The following HEATR3 variants were observed in gnomAD, a reference collection of about 807,000 sequenced individuals.
HEATR3 encodes HEAT repeat-containing protein 3.
HEATR3 carries 56 observed loss-of-function variants against 72.8 expected under a neutral mutation model. That is an observed-to-expected ratio of 0.77 (90% CI 0.62 to 0.96). The LOEUF is 0.96. Among genes scored for constraint, HEATR3 ranks in the 40% least tolerant of loss-of-function variants. HEATR3 has a pLI of 0.00. For missense variants in HEATR3, 747 were observed against 831.4 expected, an observed-to-expected ratio of 0.90 and a Z score of 1.25; for synonymous variants, 331 against 318.1, an observed-to-expected ratio of 1.04 and a Z score of -0.43.
intron 12 of HEATR3, among the ~76,000 whole-genome samples, chr16:50,098,909 G>A (rs1018729905): frequency 6.6e-6 from 1 of 151,874 alleles, no homozygotes; most frequent in Non-Finnish European, 1.5e-5. Flanking sequence ...AAATAACAAT[G>A]CTCTTGTTAT....
chr16:50,078,629 GC>G (rs1157999851), intron 6 of HEATR3, 111 bp from the exon 7 acceptor site: 9 of 1,013,320 alleles, frequency 8.9e-6, no homozygotes, highest in Non-Finnish European at 1.3e-5. Flanking sequence ...AGGCAGTAGG[GC>G]TGAGATTTTT....
chr16:50,077,854 C>T (rs1389929433), intron 6 of HEATR3, among the ~76,000 whole-genome samples: 2 of 146,892 alleles, frequency 1.4e-5, no homozygotes, highest in Admixed American at 1.4e-4. Context: ...ATTGTGAATA[C>T]GGCTGCTGTG....
intron 7 of HEATR3, among the ~76,000 whole-genome samples, chr16:50,081,159 G>T (rs958858117): frequency 2.0e-5 from 3 of 152,324 alleles, no homozygotes; most frequent in South Asian, 2.1e-4. Context: ...AAGTCTTCTG[G>T]CCAGGTGTGG....
Position 50,084,217 on chromosome 16 carries a change from G to A in HEATR3, c.1216G>A (p.Gly406Arg). ...GGAGAATTCCTTCAGTGAGTGCGGG[G>A]GACAGCTGTTTTCTCCCCTCTGCCT... ...FMENSFSECG[G>R]QLFSPLCLSH... is the part of the protein sequence containing the mutation. The change falls in exon 9 of 15, where the codon GGA becomes AGA. Residue 406 changes from glycine (G) to arginine (R), a missense_variant. Transcript: ENST00000299192. The A allele has an allele frequency of 3.1e-6, 5 of 1,614,084 alleles. No homozygotes were observed. The highest frequency in any genetic ancestry group is 2.2e-5 in the East Asian group (1 of 44,880).
intron 12 of HEATR3, among the ~76,000 whole-genome samples, chr16:50,098,065 A>G (rs2037283526): frequency 6.6e-6 from 1 of 152,158 alleles, no homozygotes; most frequent in African/African-American, 2.4e-5. Flanking sequence ...TAGCTAGGAA[A>G]TAGGCATTTT....
intron 7 of HEATR3, chr16:50,080,010 A>C (rs974462320): frequency 5.2e-5 from 8 of 152,544 alleles, no homozygotes; most frequent in African/African-American, 1.9e-4. Flanking sequence ...GTCATAAAGG[A>C]GGGGGTGAGA....
At chr16:50,080,644 C>T (rs2160571) in intron 7 of HEATR3, among the ~76,000 whole-genome samples, 3 of 151,886 alleles carry the variant, frequency 2.0e-5, no homozygotes, top group Non-Finnish European at 4.4e-5. Context: ...CAGCCTAGAT[C>T]TTTTTATTTT....
Position 50,106,494 on chromosome 16 carries a change from GA to G in HEATR3, c.*1435del, listed in dbSNP as rs1176465367. ...TTTGTTTGCTAATGCATATTGCTTG[GA>G]ATATATGTGAGACATTAAAAAAATG... On this transcript the variant is annotated 3_prime_UTR_variant, in exon 15 of 15. Transcript: ENST00000299192. 6.6e-6 allele frequency: 1 copy of G among 152,100 alleles called. No individual in the cohort carries two copies. Among genetic ancestry groups the G allele is most frequent in the Admixed American group, 6.6e-5 (1 of 15,246 alleles). The allele number at this position is 152,100 out of a possible 1,614,324, so 9.4% of individuals were successfully genotyped here. A position where few individuals can be genotyped will look rare whatever the true frequency, so the allele number is the denominator to read the frequency against.
chr16:50,083,912 A>C, intron 7 of HEATR3, 25 bp from the exon 8 acceptor site: 1 of 1,474,950 alleles, frequency 6.8e-7, no homozygotes, highest in Non-Finnish European at 9.2e-7. Context: ...AGAGTTGGTC[A>C]TTTACTTTTT....
At chr16:50,071,542 T>G (rs768553775) in intron 4 of HEATR3, among the ~76,000 whole-genome samples, 12 of 152,234 alleles carry the variant, frequency 7.9e-5, no homozygotes, top group Non-Finnish European at 1.5e-4. Context: ...TTCTCTTTTC[T>G]GAATACCTAT....
At chr16:50,084,344 A>G in intron 9 of HEATR3, 53 bp downstream of exon 9, 2 of 1,568,142 alleles carry the variant, frequency 1.3e-6, no homozygotes, top group Non-Finnish European at 1.7e-6. Context: ...GGCTTAAGCA[A>G]GGTATTCATT....
rs1442489183 is a variant in HEATR3 at position 50,066,277 on chromosome 16, G to T, written c.138+8G>T. On this transcript the variant is annotated splice_region_variant and intron_variant, in intron 1 of 14. Transcript: ENST00000299192. ...GCGGAGCTGCTGGAAAAGGTGAGGC[G>T]AGGGCTCCGTCGGGCCGGGAGGCGA... The T allele has an allele frequency of 1.9e-6, 3 of 1,575,848 alleles. No homozygotes were observed. The African/African-American group carries it at 4.1e-5, about 22-fold the overall frequency.
At chr16:50,089,358 C>G (rs866680341) in intron 11 of HEATR3, among the ~76,000 whole-genome samples, 1 of 150,820 alleles carries the variant, frequency 6.6e-6, no homozygotes, top group Middle Eastern at 3.4e-3. Flanking sequence ...AATGTATTCA[C>G]CTAATGACAT....
intron 2 of HEATR3, among the ~76,000 whole-genome samples, chr16:50,067,308 T>G (rs979918109): frequency 2.0e-5 from 3 of 150,432 alleles, no homozygotes; most frequent in African/African-American, 7.4e-5. Flanking sequence ...TGAGCTATGA[T>G]CACACCACTG....
In HEATR3 at chr16:50,084,115, T is replaced by C. The variant is rs1405099890; in HGVS notation, c.1133-19T>C. The C allele has an allele frequency of 1.2e-6, 2 of 1,614,128 alleles. No individual in the cohort carries two copies. The highest frequency in any genetic ancestry group is 1.7e-6 in the Non-Finnish European group (2 of 1,180,014). On this transcript the variant is annotated intron_variant, in intron 8 of 14. Coordinates refer to ENST00000299192, the MANE Select transcript of HEATR3 (RefSeq NM_182922.4). ...TTTTCTTAACTATTCCAGTTCTGCG[T>C]GGTTTGCCCGCTTCCCAGATCCCTC...
At chr16:50,092,684 G>A (rs557443665) in intron 11 of HEATR3, among the ~76,000 whole-genome samples, 1 of 151,344 alleles carries the variant, frequency 6.6e-6, no homozygotes, top group South Asian at 2.1e-4. Flanking sequence ...CCTCATGATC[G>A]GCCCACCTTG....
intron 14 of HEATR3, among the ~76,000 whole-genome samples, chr16:50,103,058 C>T (rs1438063977): frequency 6.6e-6 from 1 of 152,114 alleles, no homozygotes; most frequent in African/African-American, 2.4e-5. Context: ...CCACTGTGCC[C>T]AGCCATATTG....
chr16:50,090,382 G>A lies in HEATR3; in HGVS notation c.1510+4031G>A, dbSNP rs79720391. Among the ~76,000 whole-genome samples the A allele has an allele frequency of 3.4e-3, 516 of 152,150 alleles. 1 individual carries two copies. Among genetic ancestry groups the A allele is most frequent in the African/African-American group, 0.011 (461 of 41,512 alleles). On this transcript the variant is annotated intron_variant, in intron 11 of 14. Transcript: ENST00000299192. Reference sequence around the variant, plus strand: ...TTAAAAAAAAAAGAGAATTTAGTGCGGAGAATGGGGCTAAAGATCTCTGCT... The same window carrying A: ...TTAAAAAAAAAAGAGAATTTAGTGCAGAGAATGGGGCTAAAGATCTCTGCT...
At position 50,065,990 on chromosome 16, in the gene HEATR3, G is replaced by A; in HGVS notation, c.-142G>A. 2 of 390,710 alleles carry A rather than the reference G, an allele frequency of 5.1e-6. No homozygotes were observed. The highest frequency in any genetic ancestry group is 7.5e-6 in the Non-Finnish European group (2 of 265,588). 24.2% of individuals were successfully genotyped at this position (390,710 alleles called of 1,614,324 possible). Reference sequence around the variant, plus strand: ...CCGGCAGACGACGCGCCGTGCGCCTGCGCACGGCTTGCCCATGTGTGCTGC... The same window carrying A: ...CCGGCAGACGACGCGCCGTGCGCCTACGCACGGCTTGCCCATGTGTGCTGC... On this transcript the variant is annotated 5_prime_UTR_variant, in exon 1 of 15. Transcript: ENST00000299192.
Sources: allele counts gnomAD v4.1 joint callset (sites outside exome capture counted in the v4.1 genomes callset), GRCh38; gene constraint gnomAD v4.1.1; transcripts MANE v1.5; gene names NCBI Gene and HGNC (gene_info 2026-07-23, HGNC 2026-07-21).